KIF13A: variants seen among roughly 807,000 people sequenced by gnomAD.
The protein encoded by KIF13A is kinesin family member 13A, also known as kinesin-like protein KIF13A.
In KIF13A, 79 loss-of-function variants were observed where a neutral mutation model predicts 212.2. The ratio of observed to expected loss-of-function variants is 0.37; its 90% CI spans 0.31 to 0.45. The LOEUF (loss-of-function observed/expected upper bound fraction) is 0.45, where lower values mean the gene tolerates loss of function less well. Among genes scored for constraint, KIF13A ranks in the 20% least tolerant of loss-of-function variants. The pLI is 1.00. For missense variants in KIF13A, 1,901 were observed against 2,209.0 expected (o/e 0.86, Z 2.79); for synonymous variants, 789 against 808.6 (o/e 0.98, Z 0.41).
intron 17 of KIF13A, chr6:17,812,122 A>G (rs1763483944): frequency 6.6e-6 from 1 of 152,238 alleles, no homozygotes; most frequent in Non-Finnish European, 1.5e-5. Flanking sequence ...ATTTAACTGA[A>G]AAACACTATG....
downstream of KIF13A, chr6:17,760,222 T>C (rs565337944): frequency 6.6e-6 from 1 of 151,074 alleles, no homozygotes; most frequent in South Asian, 2.1e-4. Context: ...TCTTTGGTTA[T>C]AAAGAACAGC....
chr6:17,864,354 C>T (rs1769149233), intron 4 of KIF13A, among the ~76,000 whole-genome samples: 1 of 152,194 alleles, frequency 6.6e-6, no homozygotes, highest in African/African-American at 2.4e-5. Context: ...ATCATGTGAA[C>T]AAGTCTTAAA....
intron 2 of KIF13A, among the ~76,000 whole-genome samples, chr6:17,962,732 C>CCTCT (rs140139218): frequency 6.6e-6 from 1 of 151,224 alleles, no homozygotes; most frequent in Non-Finnish European, 1.5e-5. Context: ...TTCCTGTGGT[C>CCTCT]CTCTCTCTCT....
intron 2 of KIF13A, among the ~76,000 whole-genome samples, chr6:17,958,876 C>CT (rs398000716): frequency 0.014 from 1,123 of 82,788 alleles, 19 homozygotes; most frequent in African/African-American, 0.024. Context: ...TTTTCTTTTT[C>CT]TTTTTTTTTT....
At position 17,892,282 on chromosome 6, in the gene KIF13A, T is replaced by C. The variant is rs1450955433; in HGVS notation, c.159+5886A>G. On this transcript the variant is annotated intron_variant, in intron 3 of 38. Coordinates refer to ENST00000259711, the MANE Select transcript of KIF13A (RefSeq NM_022113.6). The surrounding 1 kb of genome is among the most constrained non-coding windows in gnomAD (Gnocchi z 4.7). ...AGTCCTGGTTACTTTATTTCTGTAA[T>C]GTTTTCGTAATTCTTCCCTTCCTCT... 6.6e-6 allele frequency among the ~76,000 whole-genome samples: 1 copy of C among 152,240 alleles called. No individual in the cohort carries two copies. Among genetic ancestry groups the C allele is most frequent in the African/African-American group, 2.4e-5 (1 of 41,470 alleles).
intron 2 of KIF13A, among the ~76,000 whole-genome samples, chr6:17,924,751 A>C (rs905230972): frequency 2.0e-5 from 3 of 152,226 alleles, no homozygotes; most frequent in Non-Finnish European, 4.4e-5. Context: ...AAGTTAAAAG[A>C]AGGCTGCTAA....
intron 22 of KIF13A, among the ~76,000 whole-genome samples, chr6:17,798,533 T>C (rs1762229062): frequency 6.6e-6 from 1 of 152,228 alleles, no homozygotes; most frequent in Non-Finnish European, 1.5e-5. Flanking sequence ...GGTGGTGATA[T>C]GGATTCGTTT....
chr6:17,792,963 T>C (rs1169698219), intron 25 of KIF13A, among the ~76,000 whole-genome samples: 1 of 152,226 alleles, frequency 6.6e-6, no homozygotes, highest in East Asian at 1.9e-4. Flanking sequence ...CGATCACATA[T>C]GACGGTGAGG....
intron 14 of KIF13A, among the ~76,000 whole-genome samples, chr6:17,827,603 G>A (rs1765084427): frequency 2.0e-5 from 3 of 147,278 alleles, no homozygotes; most frequent in East Asian, 2.1e-4. Context: ...CTGTAGCCTC[G>A]ACCTCTTGAG....
Position 17,799,811 on chromosome 6 carries a change from A to G in KIF13A, c.2616+141T>C. ...GAAAGTGTGCTATATTTCTGAAAAC[A>G]AAGTACTGTCCACCACTGTATCTGC... On this transcript the variant is annotated intron_variant, in intron 21 of 38. Coordinates refer to ENST00000259711, the MANE Select transcript of KIF13A (RefSeq NM_022113.6). This position sits in a 1 kb window ranked among gnomAD's most constrained non-coding sequence, Gnocchi z 4.4. 1.2e-6 allele frequency: 1 copy of G among 843,034 alleles called. No individual in the cohort carries two copies. The highest frequency in any genetic ancestry group is 1.9e-6 in the Non-Finnish European group (1 of 531,266). The allele number at this position is 843,034 out of a possible 1,614,324, so 52.2% of individuals were successfully genotyped here. A position where few individuals can be genotyped will look rare whatever the true frequency, so the allele number is the denominator to read the frequency against.
At chr6:17,832,461 T>C (rs1377232686) in intron 12 of KIF13A, among the ~76,000 whole-genome samples, 2 of 150,114 alleles carry the variant, frequency 1.3e-5, no homozygotes, top group Admixed American at 1.3e-4. Context: ...ACATGGTGAA[T>C]CCCTGACTCT....
chr6:17,985,517 A>G (rs1057500107), intron 2 of KIF13A, among the ~76,000 whole-genome samples: 3 of 151,648 alleles, frequency 2.0e-5, no homozygotes, highest in African/African-American at 7.3e-5. Context: ...CAAGCCAGCA[A>G]GGAAAACAAG....
intron 19 of KIF13A, 134 bp downstream of exon 19, chr6:17,805,341 T>C: frequency 1.2e-6 from 1 of 817,034 alleles, no homozygotes; most frequent in Non-Finnish European, 1.9e-6. Flanking sequence ...TTTCCTAATA[T>C]AATATCTAAC....
intron 2 of KIF13A, among the ~76,000 whole-genome samples, chr6:17,916,166 G>C (rs1433406886): frequency 2.6e-5 from 4 of 152,208 alleles, no homozygotes; most frequent in Admixed American, 2.6e-4. Context: ...TTATTCTCTA[G>C]GTTAGGAAAT....
intron 4 of KIF13A, among the ~76,000 whole-genome samples, chr6:17,866,271 A>G (rs74534391): frequency 0.035 from 5,326 of 152,162 alleles, 322 homozygotes; most frequent in African/African-American, 0.12. Flanking sequence ...CAAAGCCCAA[A>G]CCAAATATAA....
chr6:17,814,949 G>A lies in KIF13A; in HGVS notation c.2000+2071C>T, dbSNP rs200234322. On this transcript the variant is annotated intron_variant, in intron 17 of 38. Transcript: ENST00000259711. The stretch of plus-strand genomic sequence containing the variant: ...GATAGAAGAAAAGACAGCTGGGCCC[G>A]GGGGACCACTACCACCTAGACGCAG... Among the ~76,000 whole-genome samples the A allele has an allele frequency of 3.9e-5, 6 of 152,164 alleles. 1 individual carries two copies. Among genetic ancestry groups the A allele is most frequent in the South Asian group, 4.2e-4 (2 of 4,818 alleles).
Position 17,837,092 on chromosome 6 carries a change from TG to T in KIF13A, c.943-3del. The T allele has an allele frequency of 6.2e-7, 1 of 1,613,250 alleles. No homozygotes were observed. The highest frequency in any genetic ancestry group is 8.5e-7 in the Non-Finnish European group (1 of 1,179,376). Reference sequence around the variant, plus strand: ...TTGGCTGTTGCCCCCCAAGTTGTCCTGCCAAGTATTTCAAACAGCATCTTAG... The same window carrying T: ...TTGGCTGTTGCCCCCCAAGTTGTCCTCCAAGTATTTCAAACAGCATCTTAG... On this transcript the variant is annotated splice_polypyrimidine_tract_variant and splice_region_variant and intron_variant, in intron 10 of 38. Coordinates refer to ENST00000259711, the MANE Select transcript of KIF13A (RefSeq NM_022113.6). This position sits in a 1 kb window ranked among gnomAD's most constrained non-coding sequence, Gnocchi z 5.4.
intron 3 of KIF13A, among the ~76,000 whole-genome samples, chr6:17,874,298 T>TG (rs10714304): frequency 2.7e-5 from 4 of 149,226 alleles, no homozygotes; most frequent in South Asian, 4.2e-4. Flanking sequence ...TTGGTGGTGG[T>TG]GGGGGGGGTT....
rs141955201 is a variant in KIF13A, at chr6:17,924,991, A to C, written c.147-26811T>G. 2.2e-3 allele frequency among the ~76,000 whole-genome samples: 328 copies of C among 152,326 alleles called. 1 individual carries two copies. Among genetic ancestry groups the C allele is most frequent in the African/African-American group, 7.5e-3 (312 of 41,570 alleles). ...GAGACAGATGGATATAGTCCTAAGA[A>C]AATTTAGTATCTTTATATACAAGCT... On this transcript the variant is annotated intron_variant, in intron 2 of 38. Transcript: ENST00000259711.
Sources: allele counts gnomAD v4.1 joint callset (sites outside exome capture counted in the v4.1 genomes callset), GRCh38; gene constraint gnomAD v4.1.1; non-coding constraint Gnocchi (gnomAD v3.1); transcripts MANE v1.5; gene names NCBI Gene and HGNC (gene_info 2026-07-23, HGNC 2026-07-21).